PPRC1: variants seen among roughly 807,000 people sequenced by gnomAD.
PPRC1 encodes the protein peroxisome proliferator-activated receptor gamma coactivator-related protein 1.
Under a neutral mutation model 132.5 loss-of-function variants are expected in PPRC1, and 23 were observed. That is an observed-to-expected ratio of 0.17 (90% CI 0.12 to 0.25). The LOEUF (loss-of-function observed/expected upper bound fraction) is 0.25. Ranked by LOEUF, PPRC1 falls within the 10% of genes least tolerant of loss-of-function variation. PPRC1 has a pLI of 1.00. For missense variants in PPRC1, 2,006 were observed against 2,089.1 expected (o/e 0.96, Z 0.78); for synonymous variants, 872 against 833.5 (o/e 1.05, Z -0.80).
At chr10:102,120,183 AGCC>A in the PPRC1 span, 28 of 1,141,834 alleles carry the variant, frequency 2.5e-5, no homozygotes, top group Admixed American at 9.8e-5. Flanking sequence ...GCCGGGCATG[AGCC>A]GCCGCCGCCG....
chr10:102,129,085 A>G (rs550533940), upstream of PPRC1, among the ~76,000 whole-genome samples: 14 of 145,586 alleles, frequency 9.6e-5, no homozygotes, highest in Admixed American at 9.1e-4. Context: ...GCCCGCCACC[A>G]CGCCCGGCTA....
the PPRC1 span, among the ~76,000 whole-genome samples, chr10:102,127,035 A>T: frequency 0.027 from 1,431 of 52,234 alleles, 38 homozygotes; most frequent in Middle Eastern, 0.086. Flanking sequence ...ATATATATAT[A>T]TATATATATA....
rs200141759 is a variant in PPRC1, at chr10:102,141,956, C to T, written c.3448C>T (p.Arg1150Cys). The T allele has an allele frequency of 1.7e-4, 271 of 1,613,788 alleles. No individual in the cohort carries two copies. The highest frequency in any genetic ancestry group is 2.2e-4 in the Non-Finnish European group (259 of 1,179,854). The change falls in exon 5 of 14, where the codon CGT becomes TGT. Residue 1150 changes from arginine to cysteine, a missense_variant. Physicochemically the swap from Arg to Cys is radical, Grantham distance 180. Around this residue, in one of 2 missense-constraint regions of PPRC1, gnomAD observed 1,914 missense variants for 1,917.2 expected, o/e 1.00. Transcript: ENST00000278070. ...LRKLSFLPTP[R>C]TQGSEDVVQA... ...GAAGCTGTCCTTCCTGCCTACCCCA[C>T]GTACTCAGGGTTCTGAAGATGTGGT...
Position 102,148,447 on chromosome 10 carries a change from C to T in PPRC1, c.4476C>T (p.Ser1492=), listed in dbSNP as rs1369020895. The T allele has an allele frequency of 6.2e-7, 1 of 1,611,412 alleles. No individual in the cohort carries two copies. Among genetic ancestry groups the T allele is most frequent in the Non-Finnish European group, 8.5e-7 (1 of 1,177,626 alleles). ...SSSSSSSSSS[S]SSSSSSSRSR... Reference sequence around the variant, plus strand: ...CGTCATCATCTTCCTCTTCGTCTTCCTCATCCTCATCATCCAGTTCTCGAA... The same window carrying T: ...CGTCATCATCTTCCTCTTCGTCTTCTTCATCCTCATCATCCAGTTCTCGAA... Residue 1492 remains serine, a synonymous_variant, in exon 10 of 14, where the codon TCC becomes TCT. Transcript: ENST00000278070. This position sits in a 1 kb window ranked among gnomAD's most constrained non-coding sequence, Gnocchi z 4.2.
intron 7 of PPRC1, 51 bp from the exon 8 acceptor site, chr10:102,144,969 A>G (rs775787003): frequency 2.1e-6 from 3 of 1,431,206 alleles, no homozygotes; most frequent in South Asian, 2.5e-5. Context: ...GCAAATGTAT[A>G]AGATATTGAG....
chr10:102,123,129 A>G, the PPRC1 span, among the ~76,000 whole-genome samples: 1 of 152,158 alleles, frequency 6.6e-6, no homozygotes, highest in Non-Finnish European at 1.5e-5. Flanking sequence ...GTACTGTTGA[A>G]TGGGTGGTTA....
rs370435463 is a variant in PPRC1 at position 102,145,025 on chromosome 10, T to C, written c.3614T>C (p.Val1205Ala). ...DSLAVGNSGG[V>A]DIPQEKRPLD... Reference sequence around the variant, plus strand: ...CCCTTTTCCCCCCCCGCCAGCGGCGTTGACATTCCCCAGGAGAAGAGGCCC... The same window carrying C: ...CCCTTTTCCCCCCCCGCCAGCGGCGCTGACATTCCCCAGGAGAAGAGGCCC... The change falls in exon 8 of 14, where the codon GTT (valine) becomes GCT (alanine). Residue 1205 changes from valine (V) to alanine (A), a missense_variant. Physicochemically the swap from Val to Ala is moderately conservative, Grantham distance 64. This residue lies in a region of PPRC1 where 1,914 missense variants were observed against 1,917.2 expected (regional missense o/e 1.00). Transcript: ENST00000278070. 1.9e-6 allele frequency: 3 copies of C among 1,601,400 alleles called. No individual in the cohort carries two copies. In the African/African-American group the frequency reaches 4.0e-5, roughly 22 times the overall value.
In PPRC1 at chr10:102,138,546, A is replaced by C; in HGVS notation, c.343-73A>C. The C allele has an allele frequency of 1.9e-6, 3 of 1,540,668 alleles. No homozygotes were observed. The South Asian group carries it at 3.6e-5, about 19-fold the overall frequency. On this transcript the variant is annotated intron_variant, in intron 2 of 13. Coordinates refer to ENST00000278070, the MANE Select transcript of PPRC1 (RefSeq NM_015062.5). ...TGAACCTGGGAGACTGATTCTCTCG[A>C]TATCCAGTCCTTAGTGGCATAGTAG...
the PPRC1 span, among the ~76,000 whole-genome samples, chr10:102,125,506 C>A: frequency 1.3e-5 from 2 of 152,242 alleles, no homozygotes; most frequent in South Asian, 4.1e-4. Flanking sequence ...GATCCGCCTG[C>A]CTCAGCCTCC....
At chr10:102,149,840 T>G in intron 13 of PPRC1, 86 bp from the exon 14 acceptor site, 1 of 1,024,134 alleles carries the variant, frequency 9.8e-7, no homozygotes, top group South Asian at 1.3e-5. Context: ...CCATCCGTTT[T>G]TGGGATGGGA....
the PPRC1 span, chr10:102,119,959 C>T: frequency 2.2e-5 from 14 of 645,798 alleles, no homozygotes; most frequent in African/African-American, 3.9e-5. Flanking sequence ...CCCCGCGTAG[C>T]CCTTCCAGCC....
At chr10:102,144,669 C>CT (rs1245562349) in intron 7 of PPRC1, 1 of 462,530 alleles carries the variant, frequency 2.2e-6, no homozygotes, top group Non-Finnish European at 3.9e-6. Flanking sequence ...ATGTTAATGG[C>CT]TAGGAGTCAT....
rs766877613 is a variant in PPRC1 at position 102,141,946 on chromosome 10, G to T, written c.3438G>T (p.Leu1146=). The T allele has an allele frequency of 6.2e-7, 1 of 1,614,046 alleles. No homozygotes were observed. Among genetic ancestry groups the T allele is most frequent in the East Asian group, 2.2e-5 (1 of 44,888 alleles). The change falls in exon 5 of 14, where the codon CTG becomes CTT. Residue 1146 remains leucine (L), a synonymous_variant. Coordinates refer to ENST00000278070, the MANE Select transcript of PPRC1 (RefSeq NM_015062.5). The stretch of plus-strand genomic sequence containing the variant: ...CCCGTCTAAGGAAGCTGTCCTTCCT[G>T]CCTACCCCACGTACTCAGGGTTCTG... ...HPARLRKLSF[L]PTPRTQGSED... is the part of the protein sequence containing the mutation.
chr10:102,125,702 C>G, the PPRC1 span, among the ~76,000 whole-genome samples: 3 of 152,100 alleles, frequency 2.0e-5, no homozygotes, highest in East Asian at 5.8e-4. Context: ...ACTGGCTAGA[C>G]TCATTCCAAT....
chr10:102,127,027 A>T, the PPRC1 span, among the ~76,000 whole-genome samples: 68 of 16,832 alleles, frequency 4.0e-3, 1 homozygote, highest in African/African-American at 3.4e-3. Flanking sequence ...TATCATATAT[A>T]TATATATATA....
At position 102,140,162 on chromosome 10, in the gene PPRC1, G is replaced by C. The variant is rs1244218119; in HGVS notation, c.1654G>C (p.Glu552Gln). ...RSAGQSSPAK[E>Q]GPLDLYPKLA... Reference sequence around the variant, plus strand: ...TGCTGGACAAAGTAGTCCTGCTAAAGAAGGCCCTCTAGACCTCTACCCAAA... The same window carrying C: ...TGCTGGACAAAGTAGTCCTGCTAAACAAGGCCCTCTAGACCTCTACCCAAA... The change falls in exon 5 of 14, where the codon GAA becomes CAA. Residue 552 changes from glutamate (E) to glutamine (Q), a missense_variant. Physicochemically the swap from Glu to Gln is conservative, Grantham distance 29 (BLOSUM62 2). This residue lies in a region of PPRC1 where 1,914 missense variants were observed against 1,917.2 expected (regional missense o/e 1.00). Transcript: ENST00000278070. The C allele has an allele frequency of 3.1e-6, 5 of 1,614,094 alleles. No homozygotes were observed. Among genetic ancestry groups the C allele is most frequent in the Admixed American group, 1.7e-5 (1 of 60,004 alleles).
the PPRC1 span, among the ~76,000 whole-genome samples, chr10:102,127,476 G>T: frequency 1.3e-5 from 2 of 152,136 alleles, no homozygotes; most frequent in African/African-American, 2.4e-5. Context: ...GCACGATCTC[G>T]GCTCACTGCA....
At chr10:102,132,235 AT>A (rs1392041139), upstream of PPRC1, among the ~76,000 whole-genome samples, 1 of 152,220 alleles carries the variant, frequency 6.6e-6, no homozygotes, top group Non-Finnish European at 1.5e-5. Context: ...TTTTGAAATA[AT>A]TTTTGTGCTT....
chr10:102,149,167 C>G lies in PPRC1; in HGVS notation c.4740-11C>G, dbSNP rs1321705217. The G allele has an allele frequency of 6.4e-7, 1 of 1,570,094 alleles. No homozygotes were observed. Reference sequence around the variant, plus strand: ...GCCACTCCAGCCCCTGCCTCACTCTCCTCCTACTAGGGACAACTACGGCTT... The same window carrying G: ...GCCACTCCAGCCCCTGCCTCACTCTGCTCCTACTAGGGACAACTACGGCTT... On this transcript the variant is annotated splice_polypyrimidine_tract_variant and intron_variant, in intron 12 of 13. Coordinates refer to ENST00000278070, the MANE Select transcript of PPRC1 (RefSeq NM_015062.5).
Sources: gnomAD v4.1 joint callset for allele counts (sites outside exome capture counted in the v4.1 genomes callset) on GRCh38, gnomAD v4.1.1 for gene constraint, gnomAD v4.1.1 regional missense constraint, Gnocchi (gnomAD v3.1) non-coding constraint, MANE v1.5 for transcripts, NCBI Gene and HGNC (gene_info 2026-07-23, HGNC 2026-07-21) for gene names.